Variants in EHF observed in about 807,000 individuals in gnomAD.
EHF encodes ETS homologous factor, also known as ESE3 transcription factor.
A neutral mutation model predicts 45.1 loss-of-function variants in EHF; 14 were observed. The ratio of observed to expected loss-of-function variants is 0.31; its 90% CI spans 0.21 to 0.49. EHF has a LOEUF of 0.49. EHF is among the 20% of genes least tolerant of loss of function. The pLI is 0.99. For synonymous variants in EHF, 136 were observed against 131.8 expected (o/e 1.03, Z -0.22); for missense variants, 282 against 371.4 (o/e 0.76, Z 1.98).
intron 1 of EHF, chr11:34,631,723 G>C (rs1852906979): frequency 4.1e-6 from 1 of 244,180 alleles, no homozygotes; most frequent in Admixed American, 6.5e-5. Flanking sequence ...CTGGATGTAG[G>C]ATGTCTGGGG....
intron 4 of EHF, among the ~76,000 whole-genome samples, chr11:34,649,561 C>T (rs911090608): frequency 2.6e-5 from 4 of 152,186 alleles, no homozygotes; most frequent in Admixed American, 6.5e-5. Flanking sequence ...GGAGCTTCTG[C>T]AGAGATGTAC....
At chr11:34,655,048 A>G (rs1049437552) in intron 6 of EHF, among the ~76,000 whole-genome samples, 4 of 152,140 alleles carry the variant, frequency 2.6e-5, no homozygotes, top group Admixed American at 2.0e-4. Flanking sequence ...CAATATTGTC[A>G]CATCCTGATG....
intron 6 of EHF, among the ~76,000 whole-genome samples, chr11:34,656,611 G>C (rs1420033503): frequency 6.6e-6 from 1 of 152,124 alleles, no homozygotes; most frequent in Non-Finnish European, 1.5e-5. Context: ...CAAGCTCTCT[G>C]CATGACCTTT....
intron 1 of EHF, among the ~76,000 whole-genome samples, chr11:34,622,835 T>C (rs192525764): frequency 1.7e-4 from 26 of 152,300 alleles, no homozygotes; most frequent in Non-Finnish European, 3.1e-4. Context: ...ATAAATGTAA[T>C]GGAGACAATA....
At chr11:34,625,390 A>C (rs1852287707) in intron 1 of EHF, among the ~76,000 whole-genome samples, 1 of 152,192 alleles carries the variant, frequency 6.6e-6, no homozygotes, top group African/African-American at 2.4e-5. Context: ...TAAAACGCCA[A>C]AGCAGCCCGC....
In EHF at chr11:34,658,008, G is replaced by A. The variant is rs981929420; in HGVS notation, c.608-525G>A. Among the ~76,000 whole-genome samples the A allele has an allele frequency of 2.6e-5, 4 of 152,076 alleles. No homozygotes were observed. In the East Asian group the frequency reaches 5.8e-4, roughly 22 times the overall value. On this transcript the variant is annotated intron_variant, in intron 7 of 8. Transcript: ENST00000257831. The stretch of plus-strand genomic sequence containing the variant: ...TCAAATTGGGTCCTCCAGTCCCTGC[G>A]TGACCACCCCTTTCCCTACCACCCT...
chr11:34,643,743 T>C (rs1356306392), intron 2 of EHF, among the ~76,000 whole-genome samples: 1 of 152,196 alleles, frequency 6.6e-6, no homozygotes, highest in Non-Finnish European at 1.5e-5. Context: ...GCATTTTCTG[T>C]TGTGGGCCTC....
chr11:34,649,570 A>G (rs946424338), intron 4 of EHF, among the ~76,000 whole-genome samples: 3 of 152,202 alleles, frequency 2.0e-5, no homozygotes, highest in Non-Finnish European at 4.4e-5. Context: ...GCAGAGATGT[A>G]CAAAGGTACC....
In EHF at chr11:34,660,933, G is replaced by A. The variant is rs1238090231; in HGVS notation, c.*2002G>A. The A allele has an allele frequency of 6.6e-6, 1 of 152,102 alleles. No individual in the cohort carries two copies. The highest frequency in any genetic ancestry group is 1.5e-5 in the Non-Finnish European group (1 of 67,992). The allele number at this position is 152,102 out of a possible 1,614,324, so 9.4% of individuals were successfully genotyped here. ...AGAACCATTCTAGGTAGTGATCTTG[G>A]AGCACACATGAATAACTTTCTGAAG... On this transcript the variant is annotated 3_prime_UTR_variant, in exon 9 of 9. Transcript: ENST00000257831.
At chr11:34,649,455 C>CTCT (rs1344326495) in intron 4 of EHF, among the ~76,000 whole-genome samples, 1 of 152,112 alleles carries the variant, frequency 6.6e-6, no homozygotes, top group Admixed American at 6.6e-5. Context: ...GCAATGTCTC[C>CTCT]TCTTCTCTCC....
rs1855912609 is a variant in EHF at position 34,658,961 on chromosome 11, A to G, written c.*30A>G. The stretch of plus-strand genomic sequence containing the variant: ...GCCAATACTTTGGACACAAACCAAA[A>G]CACACACCAAATAATCAGAAACAAA... On this transcript the variant is annotated 3_prime_UTR_variant, in exon 9 of 9. Transcript: ENST00000257831. The G allele has an allele frequency of 6.6e-7, 1 of 1,516,878 alleles. No homozygotes were observed. Among genetic ancestry groups the G allele is most frequent in the Non-Finnish European group, 9.0e-7 (1 of 1,106,812 alleles). The allele number at this position is 1,516,878 out of a possible 1,614,324, so 94.0% of individuals were successfully genotyped here.
chr11:34,633,086 C>T (rs1853049149), intron 1 of EHF, among the ~76,000 whole-genome samples: 2 of 152,240 alleles, frequency 1.3e-5, no homozygotes, highest in South Asian at 4.2e-4. Context: ...CCTTGAGATG[C>T]TCCTGATGCA....
intron 4 of EHF, among the ~76,000 whole-genome samples, chr11:34,650,365 T>C (rs937215745): frequency 1.3e-5 from 2 of 152,084 alleles, no homozygotes; most frequent in African/African-American, 4.8e-5. Flanking sequence ...CAACAACAGG[T>C]GTACAAGGTG....
Position 34,631,543 on chromosome 11 carries a change from G to T in EHF, c.-4+10315G>T, listed in dbSNP as rs548546978. The stretch of plus-strand genomic sequence containing the variant: ...TGGATTAGGACAGAAATCACATCTA[G>T]GACATCTCAGGCCCTTTCCACCTGG... On this transcript the variant is annotated intron_variant, in intron 1 of 8. Transcript: ENST00000257831. 58 of 983,112 alleles carry T rather than the reference G, an allele frequency of 5.9e-5. No homozygotes were observed. In the South Asian group the frequency reaches 2.0e-3, roughly 33 times the overall value. The allele number at this position is 983,112 out of a possible 1,614,324, so 60.9% of individuals were successfully genotyped here.
intron 3 of EHF, chr11:34,647,017 T>C (rs1167418141): frequency 2.0e-5 from 7 of 357,452 alleles, no homozygotes; most frequent in Non-Finnish European, 2.0e-5. Flanking sequence ...TCCAGTCACT[T>C]GCTTGTTAAA....
intron 1 of EHF, among the ~76,000 whole-genome samples, chr11:34,623,729 T>C (rs1852144483): frequency 1.3e-5 from 2 of 152,236 alleles, no homozygotes. Flanking sequence ...TTTCGCTTTC[T>C]GGAATCTTGC....
In EHF at chr11:34,661,352, G is replaced by A. The variant is rs542107656; in HGVS notation, c.*2421G>A. On this transcript the variant is annotated 3_prime_UTR_variant, in exon 9 of 9. Coordinates refer to ENST00000257831, the MANE Select transcript of EHF (RefSeq NM_012153.6). The stretch of plus-strand genomic sequence containing the variant: ...ATCTAAGGAGGCTAGATCCTTCGCT[G>A]ACTTCACCATTCCTCAAACCTGTAA... Among the ~76,000 whole-genome samples, 14 of 152,260 alleles carry A rather than the reference G, an allele frequency of 9.2e-5. No individual in the cohort carries two copies. The highest frequency in any genetic ancestry group is 3.1e-4 in the African/African-American group (13 of 41,572).
Position 34,661,742 on chromosome 11 carries a change from C to G in EHF, c.*2811C>G, listed in dbSNP as rs1028254876. On this transcript the variant is annotated 3_prime_UTR_variant, in exon 9 of 9. Coordinates refer to ENST00000257831, the MANE Select transcript of EHF (RefSeq NM_012153.6). ...AAGTCTTATGGATAAACCCTCCTTTCTTTTGGGGACACATGGCTCTCACTT... is the reference window on the plus strand; with the variant it reads ...AAGTCTTATGGATAAACCCTCCTTTGTTTTGGGGACACATGGCTCTCACTT... Among the ~76,000 whole-genome samples the G allele has an allele frequency of 2.6e-5, 4 of 152,158 alleles. No individual in the cohort carries two copies.
At chr11:34,657,513 A>G (rs1470828789) in intron 7 of EHF, among the ~76,000 whole-genome samples, 1 of 152,080 alleles carries the variant, frequency 6.6e-6, no homozygotes, top group African/African-American at 2.4e-5. Context: ...AGAAATCAAG[A>G]TGGTATAATC....
Sources: allele counts gnomAD v4.1 joint callset (sites outside exome capture counted in the v4.1 genomes callset), GRCh38; gene constraint gnomAD v4.1.1; transcripts MANE v1.5; gene names NCBI Gene and HGNC (gene_info 2026-07-23, HGNC 2026-07-21).